GPATCH8: variants seen among roughly 807,000 people sequenced by gnomAD.
The protein encoded by GPATCH8 is G patch domain-containing protein 8.
Under a neutral mutation model 118.3 loss-of-function variants are expected in GPATCH8, and 18 were observed. The observed-to-expected ratio is 0.15, with a 90% confidence interval of 0.11 to 0.23. The LOEUF (loss-of-function observed/expected upper bound fraction) is 0.23. Among genes scored for constraint, GPATCH8 ranks in the 10% least tolerant of loss-of-function variants. The probability of loss-of-function intolerance (pLI) is 1.00; values close to 1 mark genes in which losing one functional copy is unlikely to be tolerated. For synonymous variants in GPATCH8, 659 were observed against 684.7 expected (o/e 0.96, Z 0.59); for missense variants, 1,631 against 1,873.8 (o/e 0.87, Z 2.39).
rs369020719 is a variant in GPATCH8, at chr17:44,430,806, CT to C, written c.348+4258del. 4.7e-3 allele frequency among the ~76,000 whole-genome samples: 615 copies of C among 129,528 alleles called. 1 individual carries two copies. The highest frequency in any genetic ancestry group is 0.014 in the African/African-American group (488 of 35,338). The allele number at this position is 129,528 out of a possible 152,430, so 85.0% of individuals were successfully genotyped here. A position where few individuals can be genotyped will look rare whatever the true frequency, so the allele number is the denominator to read the frequency against. ...TACAGGCACACAACACCACGCCCAG[CT>C]TTTTTTTTTTTTTTTGTATTTTTAG... is the stretch of plus-strand genomic sequence containing the variant. On this transcript the variant is annotated intron_variant, in intron 5 of 7. Transcript: ENST00000591680.
intron 3 of GPATCH8, among the ~76,000 whole-genome samples, chr17:44,453,483 G>A (rs1338626155): frequency 7.9e-6 from 1 of 126,420 alleles, no homozygotes; most frequent in Non-Finnish European, 1.7e-5. Context: ...CTAGTTGTAG[G>A]TAGGTAGGTA....
At chr17:44,478,189 C>T (rs1308882239) in intron 1 of GPATCH8, among the ~76,000 whole-genome samples, 3 of 152,216 alleles carry the variant, frequency 2.0e-5, no homozygotes, top group African/African-American at 7.2e-5. Flanking sequence ...TCTACTGCAA[C>T]ACTCAACATT....
At chr17:44,460,260 T>C (rs1301670645) in intron 3 of GPATCH8, among the ~76,000 whole-genome samples, 2 of 152,202 alleles carry the variant, frequency 1.3e-5, no homozygotes, top group Non-Finnish European at 2.9e-5. Flanking sequence ...TAGTGCTTTT[T>C]TTGTGTTGTT....
intron 1 of GPATCH8, among the ~76,000 whole-genome samples, chr17:44,479,489 T>C (rs993975041): frequency 6.6e-6 from 1 of 152,132 alleles, no homozygotes; most frequent in Non-Finnish European, 1.5e-5. Context: ...GGTGTCCATA[T>C]ACAAAACAAA....
intron 6 of GPATCH8, among the ~76,000 whole-genome samples, chr17:44,408,864 T>TGG (rs2049328428): frequency 6.6e-6 from 1 of 152,162 alleles, no homozygotes; most frequent in Non-Finnish European, 1.5e-5. Flanking sequence ...ATCCTAAGAA[T>TGG]ACCCTATAAG....
In GPATCH8 at chr17:44,398,614, G is replaced by A; in HGVS notation, c.3463C>T (p.Arg1155Ter). 1.9e-6 allele frequency: 3 copies of A among 1,546,806 alleles called. No homozygotes were observed. The highest frequency in any genetic ancestry group is 2.6e-6 in the Non-Finnish European group (3 of 1,150,280). The change falls in exon 8 of 8, where the codon CGA becomes TGA. Residue 1155 changes from arginine to a stop codon, truncating the protein, a stop_gained. Coordinates refer to ENST00000591680, the MANE Select transcript of GPATCH8 (RefSeq NM_001002909.4). LOFTEE classifies it high-confidence loss of function. ...TCTTCACACTTCTTATTGGGCTTTC[G>A]GGTAGCTGGGAGCTTCCCTATCAGT... ...LPLIGKLPAT[R>*]KPNKKCEESG...
In GPATCH8 at chr17:44,399,151, T is replaced by TA; in HGVS notation, c.2925dup (p.Ser976Ter). On this transcript the variant is annotated frameshift_variant, in exon 8 of 8. Transcript: ENST00000591680. LOFTEE classifies it high-confidence loss of function. ...CGTTGCCAGCTGTGGGCTGTGGTGC[T>TA]ACGGCTTCTCCGCTTGCTTCGACTA... is the stretch of plus-strand genomic sequence containing the variant. 6.2e-7 allele frequency: 1 copy of TA among 1,608,398 alleles called. No homozygotes were observed. Among genetic ancestry groups the TA allele is most frequent in the Non-Finnish European group, 8.5e-7 (1 of 1,175,128 alleles).
At chr17:44,474,626 T>C (rs756371772) in intron 2 of GPATCH8, 5 of 665,204 alleles carry the variant, frequency 7.5e-6, no homozygotes, top group African/African-American at 7.2e-5. Flanking sequence ...AATGTGTTTC[T>C]AGATTTTTTT....
At chr17:44,407,813 T>A (rs961098827) in intron 6 of GPATCH8, among the ~76,000 whole-genome samples, 4 of 151,966 alleles carry the variant, frequency 2.6e-5, no homozygotes, top group Non-Finnish European at 4.4e-5. Flanking sequence ...TGAACCCCTA[T>A]GCTTGGCTAA....
chr17:44,439,963 C>T (rs569631827), intron 3 of GPATCH8, among the ~76,000 whole-genome samples: 2 of 151,896 alleles, frequency 1.3e-5, no homozygotes, highest in East Asian at 1.9e-4. Flanking sequence ...CTGTATTTCT[C>T]GTAAAGACGG....
intron 1 of GPATCH8, among the ~76,000 whole-genome samples, chr17:44,495,424 G>T (rs989297734): frequency 6.6e-6 from 1 of 152,120 alleles, no homozygotes; most frequent in African/African-American, 2.4e-5. Context: ...TAGCTATACT[G>T]TTTTTCTGAT....
chr17:44,404,509 T>C (rs779679312), intron 7 of GPATCH8, among the ~76,000 whole-genome samples: 1 of 152,144 alleles, frequency 6.6e-6, no homozygotes. Flanking sequence ...TATTGATTTA[T>C]TGAGAATCTT....
intron 3 of GPATCH8, among the ~76,000 whole-genome samples, chr17:44,448,250 C>T (rs1323068745): frequency 6.6e-6 from 1 of 151,984 alleles, no homozygotes; most frequent in Non-Finnish European, 1.5e-5. Context: ...AAATTATTAT[C>T]TATGATCAAT....
At chr17:44,462,131 G>A (rs1395165420) in intron 3 of GPATCH8, among the ~76,000 whole-genome samples, 1 of 152,060 alleles carries the variant, frequency 6.6e-6, no homozygotes, top group African/African-American at 2.4e-5. Flanking sequence ...GGTTCTAGTT[G>A]TACTTTAAAG....
At chr17:44,478,899 C>T (rs564943622) in intron 1 of GPATCH8, among the ~76,000 whole-genome samples, 2 of 151,538 alleles carry the variant, frequency 1.3e-5, no homozygotes, top group South Asian at 2.1e-4. Context: ...CCATGACGCC[C>T]GGCTGTTTTT....
intron 2 of GPATCH8, chr17:44,474,423 A>G (rs1967565361): frequency 3.9e-6 from 1 of 259,448 alleles, no homozygotes. Context: ...AACATTTAAA[A>G]AAAAATTTCC....
chr17:44,486,588 C>T (rs1282355645), intron 1 of GPATCH8: 1 of 152,092 alleles, frequency 6.6e-6, no homozygotes, highest in African/African-American at 2.4e-5. Context: ...CAAGCAATGT[C>T]TTTAATTTTT....
chr17:44,453,530 T>TGTGTGTGCGCGC, intron 3 of GPATCH8, among the ~76,000 whole-genome samples: 2 of 150,562 alleles, frequency 1.3e-5, no homozygotes, highest in African/African-American at 4.9e-5. Flanking sequence ...TGTGTGTGTG[T>TGTGTGTGCGCGC]GCAGGCGCGC....
At chr17:44,491,089 A>C (rs972958044) in intron 1 of GPATCH8, among the ~76,000 whole-genome samples, 2 of 152,266 alleles carry the variant, frequency 1.3e-5, no homozygotes, top group African/African-American at 4.8e-5. Flanking sequence ...TTATTAGGAC[A>C]AGTCAAAGAT....
Sources: allele counts gnomAD v4.1 joint callset (sites outside exome capture counted in the v4.1 genomes callset), GRCh38; gene constraint gnomAD v4.1.1; transcripts MANE v1.5; gene names NCBI Gene and HGNC (gene_info 2026-07-23, HGNC 2026-07-21).